Variants in FBLN1 observed in about 807,000 individuals in gnomAD.
FBLN1 encodes fibulin 1.
FBLN1 carries 34 observed loss-of-function variants against 89.7 expected under a neutral mutation model. The ratio of observed to expected loss-of-function variants is 0.38; its 90% CI spans 0.29 to 0.50. The LOEUF is 0.50. Ranked by LOEUF, FBLN1 falls within the 20% of genes least tolerant of loss-of-function variation. FBLN1 has a pLI of 0.92. For synonymous variants in FBLN1, 393 were observed against 391.3 expected (o/e 1.00, Z -0.05); for missense variants, 777 against 988.1 (o/e 0.79, Z 2.86).
chr22:45,568,565 CCTT>C lies in FBLN1; in HGVS notation c.1698-5943_1698-5941del, dbSNP rs1569260144. On this transcript the variant is annotated intron_variant, in intron 14 of 16. Coordinates refer to ENST00000327858, the MANE Select transcript of FBLN1 (RefSeq NM_006486.3). Reference sequence around the variant, plus strand: ...GAATGCTCCTTCTGTAGGGCATGCTCCTTCTGTAGGAGAATGCTCCTGTAGGGG... The same window carrying C: ...GAATGCTCCTTCTGTAGGGCATGCTCCTGTAGGAGAATGCTCCTGTAGGGG... 5.3e-4 allele frequency among the ~76,000 whole-genome samples: 62 copies of C among 117,470 alleles called. 4 individuals are homozygous for C. Among genetic ancestry groups the C allele is most frequent in the South Asian group, 1.1e-3 (4 of 3,598 alleles). 77.1% of individuals were successfully genotyped at this position (117,470 alleles called of 152,430 possible).
intron 14 of FBLN1, among the ~76,000 whole-genome samples, chr22:45,573,079 A>C (rs1158935738): frequency 1.3e-5 from 2 of 152,152 alleles, no homozygotes; most frequent in African/African-American, 4.8e-5. Flanking sequence ...ACAAAAAATT[A>C]GCCAGGCATG....
chr22:45,587,201 C>T (rs1018971448), intron 16 of FBLN1, among the ~76,000 whole-genome samples: 7 of 152,162 alleles, frequency 4.6e-5, no homozygotes, highest in African/African-American at 1.7e-4. Context: ...ACACCCACAG[C>T]CGGCGTTGCT....
rs1056138671 is a variant in FBLN1 at position 45,557,495 on chromosome 22, G to A, written c.1697+6880G>A. 6.6e-6 allele frequency among the ~76,000 whole-genome samples: 1 copy of A among 152,150 alleles called. No homozygotes were observed. The highest frequency in any genetic ancestry group is 2.4e-5 in the African/African-American group (1 of 41,432). The stretch of plus-strand genomic sequence containing the variant: ...CAGTGGCCATATCCAGGTCAGCCTT[G>A]GTGAGTGGAAGTCCATGTTGCTGAG... On this transcript the variant is annotated intron_variant, in intron 14 of 16. Transcript: ENST00000327858. This position sits in a 1 kb window ranked among gnomAD's most constrained non-coding sequence, Gnocchi z 4.9.
rs113849435 is a variant in FBLN1 at position 45,522,940 on chromosome 22, C to A, written c.186-2603C>A. The A allele has an allele frequency of 1.3e-3, 642 of 488,540 alleles. 3 individuals are homozygous for A. The highest frequency in any genetic ancestry group is 6.6e-3 in the African/African-American group (348 of 52,460). The allele number at this position is 488,540 out of a possible 1,614,324, so 30.3% of individuals were successfully genotyped here. A position where few individuals can be genotyped will look rare whatever the true frequency, so the allele number is the denominator to read the frequency against. The stretch of plus-strand genomic sequence containing the variant: ...CAATCGGTGAACGAAATATGCAAGT[C>A]CCCTGGCCTCGTGGAGGCGGCATTC... On this transcript the variant is annotated intron_variant, in intron 2 of 16. Coordinates refer to ENST00000327858, the MANE Select transcript of FBLN1 (RefSeq NM_006486.3).
rs149256919 is a variant in FBLN1 at position 45,548,801 on chromosome 22, C to T, written c.1573+57C>T. ...CGCTCTGCTTGGGGCCCTGCAATGT[C>T]GTGGGGCTGAGGCTGGGCTCGGGGG... is the stretch of plus-strand genomic sequence containing the variant. On this transcript the variant is annotated intron_variant, in intron 13 of 16. Coordinates refer to ENST00000327858, the MANE Select transcript of FBLN1 (RefSeq NM_006486.3). 1.3e-3 allele frequency: 2,045 copies of T among 1,604,780 alleles called. 16 individuals carry two copies. In the African/African-American group the frequency reaches 0.017, roughly 13 times the overall value.
intron 16 of FBLN1, among the ~76,000 whole-genome samples, chr22:45,589,262 T>C (rs139258211): frequency 6.6e-6 from 1 of 152,054 alleles, no homozygotes; most frequent in African/African-American, 2.4e-5. Flanking sequence ...GAATTAAGAA[T>C]GCACACATCA....
chr22:45,564,018 A>AG, intron 14 of FBLN1, among the ~76,000 whole-genome samples: 1 of 152,016 alleles, frequency 6.6e-6, no homozygotes, highest in Non-Finnish European at 1.5e-5. Flanking sequence ...TACTCACGGG[A>AG]TCCTTCATAG....
chr22:45,600,198 G>A (rs149202173), intron 16 of FBLN1, 109 bp from the exon 17 acceptor site: 8 of 1,343,562 alleles, frequency 6.0e-6, no homozygotes, highest in Non-Finnish European at 8.5e-6. Flanking sequence ...ACTCCATGAG[G>A]TCTATGCCTC....
rs1216489279 is a variant in FBLN1, at chr22:45,578,643, C to G, written c.1972+1535C>G. Among the ~76,000 whole-genome samples, 1 of 151,890 alleles carries G rather than the reference C, an allele frequency of 6.6e-6. No individual in the cohort carries two copies. The highest frequency in any genetic ancestry group is 2.4e-5 in the African/African-American group (1 of 41,228). The stretch of plus-strand genomic sequence containing the variant: ...GGTTGGGTCAGGGCTTTGTCCTGTC[C>G]CACTGGGTGGGTGGGGTATGCACCC... On this transcript the variant is annotated intron_variant, in intron 16 of 16. Coordinates refer to ENST00000327858, the MANE Select transcript of FBLN1 (RefSeq NM_006486.3). The surrounding 1 kb of genome is among the most constrained non-coding windows in gnomAD (Gnocchi z 4.6).
rs1569264818 is a variant in FBLN1, at chr22:45,580,841, C to T, written c.1972+3733C>T. Among the ~76,000 whole-genome samples, 1 of 152,224 alleles carries T rather than the reference C, an allele frequency of 6.6e-6. No homozygotes were observed. Among genetic ancestry groups the T allele is most frequent in the African/African-American group, 2.4e-5 (1 of 41,466 alleles). On this transcript the variant is annotated intron_variant, in intron 16 of 16. Transcript: ENST00000327858. The surrounding 1 kb of genome is among the most constrained non-coding windows in gnomAD (Gnocchi z 8.6). ...CACTAAGAACCTGCAAGGGCCGGGT[C>T]GTCCTCTAATGTAGCCTTGAAAGAC...
rs994030279 is a variant in FBLN1, at chr22:45,545,085, C to G, written c.1321+1559C>G. On this transcript the variant is annotated intron_variant, in intron 11 of 16. Transcript: ENST00000327858. The surrounding 1 kb of genome is among the most constrained non-coding windows in gnomAD (Gnocchi z 5.9). The stretch of plus-strand genomic sequence containing the variant: ...ATTTTCCTTCCTGATGAGATGGTCG[C>G]AGGGGTTGGATATGCCACAGTGAGC... 3.3e-5 allele frequency among the ~76,000 whole-genome samples: 5 copies of G among 152,172 alleles called. No homozygotes were observed. The highest frequency in any genetic ancestry group is 1.2e-4 in the African/African-American group (5 of 41,446).
rs979784533 is a variant in FBLN1, at chr22:45,549,217, G to A, written c.1573+473G>A. The stretch of plus-strand genomic sequence containing the variant: ...TTCTGCATTCAGCCCCCTTTTCTAC[G>A]AATGCTCTAGGGGGCAGTGTGTGTC... On this transcript the variant is annotated intron_variant, in intron 13 of 16. Transcript: ENST00000327858. The surrounding 1 kb of genome is among the most constrained non-coding windows in gnomAD (Gnocchi z 5.7). Among the ~76,000 whole-genome samples, 2 of 152,160 alleles carry A rather than the reference G, an allele frequency of 1.3e-5. No homozygotes were observed. Among genetic ancestry groups the A allele is most frequent in the Admixed American group, 1.3e-4 (2 of 15,288 alleles).
rs561617116 is a variant in FBLN1 at position 45,563,993 on chromosome 22, A to G, written c.1698-10518A>G. On this transcript the variant is annotated intron_variant, in intron 14 of 16. Transcript: ENST00000327858. This position sits in a 1 kb window ranked among gnomAD's most constrained non-coding sequence, Gnocchi z 5.7. ...CTGTGCCGGGGGGAGGCAAAGGACC[A>G]CACAATACATGTGATACTCACGGGA... Among the ~76,000 whole-genome samples the G allele has an allele frequency of 6.6e-6, 1 of 152,296 alleles. No homozygotes were observed. Among genetic ancestry groups the G allele is most frequent in the Admixed American group, 6.5e-5 (1 of 15,302 alleles).
rs1470580174 is a variant in FBLN1 at position 45,545,585 on chromosome 22, A to G, written c.1322-1500A>G. On this transcript the variant is annotated intron_variant, in intron 11 of 16. Coordinates refer to ENST00000327858, the MANE Select transcript of FBLN1 (RefSeq NM_006486.3). The surrounding 1 kb of genome is among the most constrained non-coding windows in gnomAD (Gnocchi z 5.9). ...CCAACCTTGCTATGTGACCTTACTA[A>G]CCATTTGTTAGGGTCCTGCCCCGGG... Among the ~76,000 whole-genome samples, 2 of 152,032 alleles carry G rather than the reference A, an allele frequency of 1.3e-5. No individual in the cohort carries two copies. The highest frequency in any genetic ancestry group is 2.9e-5 in the Non-Finnish European group (2 of 68,004).
At chr22:45,564,443 G>C (rs1337357688) in intron 14 of FBLN1, among the ~76,000 whole-genome samples, 1 of 152,258 alleles carries the variant, frequency 6.6e-6, no homozygotes, top group Non-Finnish European at 1.5e-5. Flanking sequence ...GCCTCAACTT[G>C]TTCTATCCTT....
Position 45,502,945 on chromosome 22 carries a change from G to T in FBLN1, c.-41G>T. The T allele has an allele frequency of 1.0e-6, 1 of 957,274 alleles. No homozygotes were observed. The highest frequency in any genetic ancestry group is 1.3e-6 in the Non-Finnish European group (1 of 783,624). 59.3% of individuals were successfully genotyped at this position (957,274 alleles called of 1,614,324 possible). ...GCCGCTGCCCCAGGACCGCGCCCGC[G>T]CCTTTGTCCGCCGCCGCCCACCGCC... On this transcript the variant is annotated 5_prime_UTR_variant, in exon 1 of 17. Transcript: ENST00000327858.
At position 45,503,041 on chromosome 22, in the gene FBLN1, G is replaced by T; in HGVS notation, c.56G>T (p.Gly19Val). Residue 19 changes from glycine to valine, a missense_variant, in exon 1 of 17, where the codon GGC becomes GTC. Gly to Val is a moderately radical substitution (Grantham distance 109). Coordinates refer to ENST00000327858, the MANE Select transcript of FBLN1 (RefSeq NM_006486.3). ...RVPLPLLLLG[G>V]LALLAAGVDA... ...CCGCTTCCGCTGCTGCTGCTCGGCG[G>T]CCTTGCGCTGCTGGCGGCCGGAGGT... The T allele has an allele frequency of 1.6e-6, 2 of 1,250,926 alleles. No homozygotes were observed. The highest frequency in any genetic ancestry group is 1.0e-6 in the Non-Finnish European group (1 of 997,984). The allele number at this position is 1,250,926 out of a possible 1,614,324, so 77.5% of individuals were successfully genotyped here.
chr22:45,538,978 G>C (rs1412716954), intron 8 of FBLN1, among the ~76,000 whole-genome samples: 1 of 152,058 alleles, frequency 6.6e-6, no homozygotes, highest in Non-Finnish European at 1.5e-5. Flanking sequence ...TTGGGTCACC[G>C]AGGGCTTTGA....
chr22:45,559,480 C>A (rs1339513397), intron 14 of FBLN1, among the ~76,000 whole-genome samples: 1 of 152,134 alleles, frequency 6.6e-6, no homozygotes, highest in Non-Finnish European at 1.5e-5. Context: ...TCCATTTGGC[C>A]TTTCCAACCA....
Sources: allele counts gnomAD v4.1 joint callset (sites outside exome capture counted in the v4.1 genomes callset), GRCh38; gene constraint gnomAD v4.1.1; non-coding constraint Gnocchi (gnomAD v3.1); transcripts MANE v1.5; gene names NCBI Gene and HGNC (gene_info 2026-07-23, HGNC 2026-07-21).